ZFHX3: variants seen among roughly 807,000 people sequenced by gnomAD.
The protein encoded by ZFHX3 is zinc finger homeobox 3, also known as zinc finger homeobox protein 3.
Under a neutral mutation model 279.1 loss-of-function variants are expected in ZFHX3, and 42 were observed. The observed-to-expected ratio is 0.15, with a 90% confidence interval of 0.12 to 0.19. The LOEUF is 0.19. Ranked by LOEUF, ZFHX3 falls within the 10% of genes least tolerant of loss-of-function variation. The pLI is 1.00. For missense variants in ZFHX3, 4,981 were observed against 4,754.0 expected (o/e 1.05, Z -1.40); for synonymous variants, 2,293 against 1,957.8 (o/e 1.17, Z -4.52).
chr16:73,117,902 C>T lies in ZFHX3; in HGVS notation c.-897+13066G>A, dbSNP rs1011262780. Among the ~76,000 whole-genome samples, 6 of 152,196 alleles carry T rather than the reference C, an allele frequency of 3.9e-5. No homozygotes were observed. In the South Asian group the frequency reaches 6.2e-4, roughly 16 times the overall value. The stretch of plus-strand genomic sequence containing the variant: ...CAGGAAGTGAGCCCTCACCAGAAAC[C>T]AAATCTGCTGGTGCCTTCATCTTGG... On this transcript the variant is annotated intron_variant, in intron 7 of 17. Transcript: ENST00000641206.
chr16:73,859,397 C>T (rs1183973173), intron 1 of ZFHX3, among the ~76,000 whole-genome samples: 2 of 152,204 alleles, frequency 1.3e-5, no homozygotes, highest in Non-Finnish European at 2.9e-5. Flanking sequence ...AAGTGGCCCT[C>T]CCTTGACTCC....
At chr16:73,403,854 C>G (rs531478510) in intron 3 of ZFHX3, among the ~76,000 whole-genome samples, 1 of 152,102 alleles carries the variant, frequency 6.6e-6, no homozygotes, top group Non-Finnish European at 1.5e-5. Context: ...AAGGAAGGAT[C>G]GGCAAATTTG....
intron 1 of ZFHX3, among the ~76,000 whole-genome samples, chr16:73,755,103 A>T (rs2053796391): frequency 6.6e-6 from 1 of 152,232 alleles, no homozygotes; most frequent in African/African-American, 2.4e-5. Context: ...AAATTCATTC[A>T]TCATTCGATG....
In ZFHX3 at chr16:73,140,255, T is replaced by C. The variant is rs551416413; in HGVS notation, c.-1024+3497A>G. Reference sequence around the variant, plus strand: ...CATCCTGGGAGACAGAGTGAAACCCTGTCTCAAAAAAAAGGTATAAAATAA... The same window carrying C: ...CATCCTGGGAGACAGAGTGAAACCCCGTCTCAAAAAAAAGGTATAAAATAA... On this transcript the variant is annotated intron_variant, in intron 6 of 17. Coordinates refer to the ZFHX3 transcript ENST00000641206. Among the ~76,000 whole-genome samples the C allele has an allele frequency of 1.1e-4, 17 of 151,996 alleles. No individual in the cohort carries two copies. In the South Asian group the frequency reaches 2.5e-3, roughly 22 times the overall value.
intron 3 of ZFHX3, among the ~76,000 whole-genome samples, chr16:73,450,553 A>G (rs2018266529): frequency 1.3e-5 from 2 of 152,236 alleles, no homozygotes. Flanking sequence ...TGCTTATGGT[A>G]TCAAACGAAA....
chr16:72,810,406 G>C (rs982917997), intron 7 of ZFHX3, among the ~76,000 whole-genome samples: 1 of 152,054 alleles, frequency 6.6e-6, no homozygotes, highest in South Asian at 2.1e-4. Flanking sequence ...GGCTGGTCTT[G>C]AACTCCTGAC....
chr16:72,909,357 G>T (rs1484804339), intron 3 of ZFHX3, among the ~76,000 whole-genome samples: 1 of 152,158 alleles, frequency 6.6e-6, no homozygotes, highest in Non-Finnish European at 1.5e-5. Context: ...GCATGACTGT[G>T]TTCCAATAAA....
intron 4 of ZFHX3, among the ~76,000 whole-genome samples, chr16:72,878,064 C>T (rs1220895591): frequency 1.3e-5 from 2 of 151,726 alleles, no homozygotes; most frequent in Non-Finnish European, 2.9e-5. Context: ...GTGGTGCATG[C>T]CTGTGCTACT....
chr16:73,151,270 G>A (rs942259182), intron 5 of ZFHX3, among the ~76,000 whole-genome samples: 10 of 152,026 alleles, frequency 6.6e-5, no homozygotes, highest in Admixed American at 3.3e-4. Context: ...AAAATAAAAC[G>A]TACAACACAA....
At chr16:73,683,513 T>C (rs1038394953) in intron 1 of ZFHX3, among the ~76,000 whole-genome samples, 1 of 152,120 alleles carries the variant, frequency 6.6e-6, no homozygotes, top group Non-Finnish European at 1.5e-5. Context: ...AACCTAAAAG[T>C]GACAAAAGAC....
At chr16:73,544,815 C>A (rs1464154616) in intron 2 of ZFHX3, among the ~76,000 whole-genome samples, 1 of 152,070 alleles carries the variant, frequency 6.6e-6, no homozygotes, top group Non-Finnish European at 1.5e-5. Context: ...CTTCTGGGTT[C>A]CCCGGCCGTG....
At chr16:73,051,966 A>G (rs80243861), upstream of ZFHX3, among the ~76,000 whole-genome samples, 2,814 of 152,322 alleles carry the variant, frequency 0.018, 177 homozygotes, top group East Asian at 0.22. Context: ...GCTTAAGGAC[A>G]GCATCGCAAT....
intron 4 of ZFHX3, among the ~76,000 whole-genome samples, chr16:73,290,749 C>T (rs1404188346): frequency 6.6e-6 from 1 of 151,352 alleles, no homozygotes; most frequent in Non-Finnish European, 1.5e-5. Flanking sequence ...GAAAGAGCCA[C>T]TAAGGTGCTT....
At chr16:73,617,297 G>A (rs2052314703) in intron 2 of ZFHX3, among the ~76,000 whole-genome samples, 1 of 152,200 alleles carries the variant, frequency 6.6e-6, no homozygotes, top group African/African-American at 2.4e-5. Context: ...ACAATGAGGT[G>A]AGGGAAATAG....
chr16:72,916,130 C>A (rs1295607987), intron 3 of ZFHX3, among the ~76,000 whole-genome samples: 8 of 152,208 alleles, frequency 5.3e-5, no homozygotes, highest in Admixed American at 5.2e-4. Flanking sequence ...AGCAGTGAAT[C>A]ACTTACAGAG....
At chr16:73,197,070 T>C (rs986756995) in intron 5 of ZFHX3, among the ~76,000 whole-genome samples, 4 of 152,204 alleles carry the variant, frequency 2.6e-5, no homozygotes, top group African/African-American at 4.8e-5. Flanking sequence ...TAATTGTTTA[T>C]GTCTTTAAAA....
chr16:73,653,881 A>G (rs2142168172), intron 2 of ZFHX3, among the ~76,000 whole-genome samples: 1 of 152,300 alleles, frequency 6.6e-6, no homozygotes, highest in East Asian at 1.9e-4. Flanking sequence ...AGATGGTGCC[A>G]TCATTAAAAA....
rs376038293 is a variant in ZFHX3, at chr16:72,950,465, T to C, written c.3216+4A>G. The C allele has an allele frequency of 1.2e-6, 2 of 1,612,556 alleles. No homozygotes were observed. The highest frequency in any genetic ancestry group is 1.3e-5 in the African/African-American group (1 of 75,016). ...CGCCTGAGCCATAAGGAGCTGGGCC[T>C]TACCTTGTACAACTTCAGGCTGGCC... On this transcript the variant is annotated splice_donor_region_variant and intron_variant, in intron 3 of 9. Coordinates refer to ENST00000268489, the MANE Select transcript of ZFHX3 (RefSeq NM_006885.4).
intron 4 of ZFHX3, among the ~76,000 whole-genome samples, chr16:73,276,971 A>T (rs1469127649): frequency 6.6e-6 from 1 of 152,236 alleles, no homozygotes; most frequent in East Asian, 1.9e-4. Context: ...TCAGACATGG[A>T]CAAAATGCCA....
Sources: allele counts gnomAD v4.1 joint callset (sites outside exome capture counted in the v4.1 genomes callset), GRCh38; gene constraint gnomAD v4.1.1; transcripts MANE v1.5; gene names NCBI Gene and HGNC (gene_info 2026-07-23, HGNC 2026-07-21).